TMEM9B: variants seen among roughly 807,000 people sequenced by gnomAD.
TMEM9B encodes transmembrane protein 9B.
A neutral mutation model predicts 23.5 loss-of-function variants in TMEM9B; 8 were observed. That is an observed-to-expected ratio of 0.34 (90% CI 0.20 to 0.61). The LOEUF is 0.61. TMEM9B is among the 20% of genes least tolerant of loss of function. The pLI is 0.78. For missense variants in TMEM9B, 197 were observed against 252.3 expected, an observed-to-expected ratio of 0.78 and a Z score of 1.49; for synonymous variants, 106 against 96.3, an observed-to-expected ratio of 1.10 and a Z score of -0.59.
intron 4 of TMEM9B, among the ~76,000 whole-genome samples, chr11:8,951,079 T>C (rs961560049): frequency 6.6e-6 from 1 of 152,186 alleles, no homozygotes; most frequent in East Asian, 1.9e-4. Context: ...ACAAGCAGAA[T>C]CAATCACTGG....
chr11:8,956,292 G>T lies in TMEM9B; in HGVS notation c.204C>A (p.Cys68Ter). ...CAGGCATGGGCTCCACAACATGAAG[G>T]CAATCACTGAAAAAACAAAGATAAA... is the stretch of plus-strand genomic sequence containing the variant. ...NKNISQKDCDCLHVVEPMPVR... is the reference protein window; with the variant it reads ...NKNISQKDCD The change falls in exon 3 of 5, where the codon TGC (cysteine) becomes TGA (stop). Residue 68 changes from cysteine to a stop codon, truncating the protein, a stop_gained. Transcript: ENST00000534025. LOFTEE classifies it high-confidence loss of function. 1 of 1,612,790 alleles carries T rather than the reference G, an allele frequency of 6.2e-7. No homozygotes were observed.
chr11:8,958,411 G>A (rs954007061), intron 2 of TMEM9B, among the ~76,000 whole-genome samples: 8 of 151,064 alleles, frequency 5.3e-5, no homozygotes, highest in Non-Finnish European at 7.4e-5. Context: ...GTAGTGAGCC[G>A]AGATCGCGCC....
intron 4 of TMEM9B, among the ~76,000 whole-genome samples, chr11:8,952,291 A>G (rs1003400504): frequency 2.9e-5 from 4 of 140,320 alleles, no homozygotes; most frequent in Non-Finnish European, 6.0e-5. Flanking sequence ...CTATATATAT[A>G]TATATATAAA....
intron 4 of TMEM9B, among the ~76,000 whole-genome samples, chr11:8,951,672 G>A (rs1399031149): frequency 6.6e-6 from 1 of 150,546 alleles, no homozygotes; most frequent in Admixed American, 6.6e-5. Context: ...GCAGGAGAAT[G>A]GCGTGAACCC....
rs1480687205 is a variant in TMEM9B, at chr11:8,947,881, A to T, written c.*439T>A. 6.3e-6 allele frequency: 1 copy of T among 159,178 alleles called. No individual in the cohort carries two copies. Among genetic ancestry groups the T allele is most frequent in the African/African-American group, 2.4e-5 (1 of 41,486 alleles). The allele number at this position is 159,178 out of a possible 1,614,324, so 9.9% of individuals were successfully genotyped here. A position where few individuals can be genotyped will look rare whatever the true frequency, so the allele number is the denominator to read the frequency against. On this transcript the variant is annotated 3_prime_UTR_variant, in exon 5 of 5. Transcript: ENST00000534025. ...GTCTATTTACAAAAGTTTGTTTAGT[A>T]AAGTGACTTGAAAAAAGTTGTTAAC... is the stretch of plus-strand genomic sequence containing the variant.
At chr11:8,952,247 TATACACAC>T (rs1298523357) in intron 4 of TMEM9B, among the ~76,000 whole-genome samples, 5 of 38,944 alleles carry the variant, frequency 1.3e-4, no homozygotes, top group South Asian at 2.1e-3. Context: ...ATGCCAACTA[TATACACAC>T]ACACACACAC....
intron 2 of TMEM9B, 23 bp from the exon 3 acceptor site, chr11:8,956,321 C>A: frequency 6.2e-7 from 1 of 1,602,794 alleles, no homozygotes; most frequent in Non-Finnish European, 8.5e-7. Flanking sequence ...AGATAAAATG[C>A]TGCTTAAGCC....
Position 8,948,218 on chromosome 11 carries a change from G to T in TMEM9B, c.*102C>A. 4 of 1,388,954 alleles carry T rather than the reference G, an allele frequency of 2.9e-6. No individual in the cohort carries two copies. The highest frequency in any genetic ancestry group is 2.4e-5 in the East Asian group (1 of 42,278). 86.0% of individuals were successfully genotyped at this position (1,388,954 alleles called of 1,614,324 possible). ...AGTTTTGAATCTTCCAGCAACAGTT[G>T]GTGAAATCAACAAGGTATTAAAATG... is the stretch of plus-strand genomic sequence containing the variant. On this transcript the variant is annotated 3_prime_UTR_variant, in exon 5 of 5. Transcript: ENST00000534025.
At position 8,948,620 on chromosome 11, in the gene TMEM9B, G is replaced by A. The variant is rs145501385; in HGVS notation, c.442-145C>T. On this transcript the variant is annotated intron_variant, in intron 4 of 4. Transcript: ENST00000534025. The stretch of plus-strand genomic sequence containing the variant: ...TCTATTTAGCTAAGCACTCCTAAGC[G>A]CTCAACTACCAGATAGAGTATGAAC... 25 of 870,826 alleles carry A rather than the reference G, an allele frequency of 2.9e-5. No individual in the cohort carries two copies. The African/African-American group carries it at 2.9e-4, about 10-fold the overall frequency. The allele number at this position is 870,826 out of a possible 1,614,324, so 53.9% of individuals were successfully genotyped here.
intron 3 of TMEM9B, among the ~76,000 whole-genome samples, chr11:8,954,543 A>C (rs2568086): frequency 0.62 from 93,656 of 151,778 alleles, 29,299 homozygotes; most frequent in East Asian, 0.77. Flanking sequence ...CCCGCCTCGG[A>C]CTTCCAAAGT....
chr11:8,954,535 C>A (rs531403448), intron 3 of TMEM9B, among the ~76,000 whole-genome samples: 1 of 152,000 alleles, frequency 6.6e-6, no homozygotes, highest in Non-Finnish European at 1.5e-5. Context: ...GTGATCCACC[C>A]GCCTCGGACT....
Position 8,956,258 on chromosome 11 carries a change from G to GC in TMEM9B, c.237dup (p.Pro80AlafsTer2). On this transcript the variant is annotated frameshift_variant, in exon 3 of 5. Transcript: ENST00000534025. LOFTEE classifies it high-confidence loss of function. ...CGTAGACAGTATGCTTCTACATCAG[G>GC]CCCCCGCACAGGCATGGGCTCCACA... 1 of 1,613,552 alleles carries GC rather than the reference G, an allele frequency of 6.2e-7. No individual in the cohort carries two copies. Among genetic ancestry groups the GC allele is most frequent in the Non-Finnish European group, 8.5e-7 (1 of 1,179,976 alleles).
chr11:8,960,842 C>T (rs574204629), intron 2 of TMEM9B, among the ~76,000 whole-genome samples: 8 of 152,102 alleles, frequency 5.3e-5, no homozygotes, highest in Admixed American at 2.6e-4. Context: ...CCACCAAGCC[C>T]GGCTAATTTT....
chr11:8,963,460 A>G (rs534673056), intron 1 of TMEM9B, among the ~76,000 whole-genome samples: 90 of 152,372 alleles, frequency 5.9e-4, no homozygotes, highest in African/African-American at 2.1e-3. Context: ...GCAGGTCTGG[A>G]GAGCTGGGGC....
chr11:8,964,600 C>T, upstream of TMEM9B: 1 of 673,662 alleles, frequency 1.5e-6, no homozygotes, highest in South Asian at 2.6e-5. Context: ...GGGTGGCAGC[C>T]TGGGCCCAGT....
At chr11:8,956,396 C>T (rs528612287) in intron 2 of TMEM9B, 98 bp from the exon 3 acceptor site, 2 of 838,562 alleles carry the variant, frequency 2.4e-6, no homozygotes, top group Admixed American at 2.7e-5. Flanking sequence ...ACTAAACTTA[C>T]CCAATGAAAG....
rs150763311 is a variant in TMEM9B, at chr11:8,952,065, C to T, written c.441+1138G>A. On this transcript the variant is annotated intron_variant, in intron 4 of 4. Coordinates refer to ENST00000534025, the MANE Select transcript of TMEM9B (RefSeq NM_020644.3). ...CTGAGGTTGTAGTGAGCCAAAGTCACGCCACTGCACTCCAGCATGGGCGAC... is the reference window on the plus strand; with the variant it reads ...CTGAGGTTGTAGTGAGCCAAAGTCATGCCACTGCACTCCAGCATGGGCGAC... Among the ~76,000 whole-genome samples the T allele has an allele frequency of 6.4e-4, 98 of 152,198 alleles. 2 individuals are homozygous for T. The East Asian group carries it at 0.018, about 28-fold the overall frequency.
chr11:8,960,062 A>G (rs1320020264), intron 2 of TMEM9B, among the ~76,000 whole-genome samples: 3 of 152,164 alleles, frequency 2.0e-5, no homozygotes, highest in South Asian at 4.1e-4. Context: ...GCAGAAAAGA[A>G]ACAAGGGAGA....
At chr11:8,953,394 T>C in intron 3 of TMEM9B, 57 bp from the exon 4 acceptor site, 1 of 1,569,412 alleles carries the variant, frequency 6.4e-7, no homozygotes, top group Non-Finnish European at 8.7e-7. Flanking sequence ...ATCAGAACTT[T>C]GTATGATAAT....
Sources: gnomAD v4.1 joint callset for allele counts (sites outside exome capture counted in the v4.1 genomes callset) on GRCh38, gnomAD v4.1.1 for gene constraint, MANE v1.5 for transcripts, NCBI Gene and HGNC (gene_info 2026-07-23, HGNC 2026-07-21) for gene names.